The following PLSCR2 variants were observed in gnomAD, a reference collection of about 807,000 sequenced individuals.
The protein encoded by PLSCR2 is PL scramblase 2.
Under a neutral mutation model 25.3 loss-of-function variants are expected in PLSCR2, and 18 were observed. The ratio of observed to expected loss-of-function variants is 0.71; its 90% CI spans 0.49 to 1.06. PLSCR2 has a LOEUF of 1.06. Among genes scored for constraint, PLSCR2 ranks in the 50% least tolerant of loss-of-function variants. The probability of loss-of-function intolerance (pLI) is 0.00; values close to 1 mark genes in which losing one functional copy is unlikely to be tolerated. For synonymous variants in PLSCR2, 88 were observed against 87.3 expected, an observed-to-expected ratio of 1.01 and a Z score of -0.04; for missense variants, 243 against 269.5, an observed-to-expected ratio of 0.90 and a Z score of 0.69.
downstream of PLSCR2, among the ~76,000 whole-genome samples, chr3:146,441,569 T>G (rs1021145154): frequency 1.3e-5 from 2 of 151,822 alleles, no homozygotes; most frequent in Admixed American, 1.3e-4. Flanking sequence ...TATAAAACAT[T>G]TATAACCCAG....
intron 1 of PLSCR2, among the ~76,000 whole-genome samples, chr3:146,467,655 G>C (rs2041929232): frequency 6.6e-6 from 1 of 151,718 alleles, no homozygotes; most frequent in African/African-American, 2.4e-5. Flanking sequence ...AAATGTATTT[G>C]TACATATACA....
intron 1 of PLSCR2, among the ~76,000 whole-genome samples, chr3:146,488,794 C>T (rs190282659): frequency 6.6e-5 from 10 of 152,076 alleles, no homozygotes; most frequent in Non-Finnish European, 8.8e-5. Context: ...AAATACCATT[C>T]GACCCACCTA....
At chr3:146,437,824 T>C (rs1353459794), downstream of PLSCR2, among the ~76,000 whole-genome samples, 3 of 152,218 alleles carry the variant, frequency 2.0e-5, no homozygotes, top group Non-Finnish European at 4.4e-5. Flanking sequence ...AGCTTTTGAA[T>C]GTGTTTGCTT....
At chr3:146,484,125 C>G (rs993308590) in intron 1 of PLSCR2, among the ~76,000 whole-genome samples, 2 of 151,456 alleles carry the variant, frequency 1.3e-5, no homozygotes, top group African/African-American at 4.9e-5. Flanking sequence ...AAACACAGCA[C>G]AAGAACTTTG....
chr3:146,446,989 C>T (rs545957997), intron 6 of PLSCR2, among the ~76,000 whole-genome samples: 3 of 152,196 alleles, frequency 2.0e-5, no homozygotes, highest in Non-Finnish European at 4.4e-5. Flanking sequence ...TAAATATTAC[C>T]TAGCTTATAC....
downstream of PLSCR2, among the ~76,000 whole-genome samples, chr3:146,439,432 C>G (rs530616673): frequency 1.9e-4 from 29 of 152,334 alleles, no homozygotes; most frequent in African/African-American, 7.0e-4. Context: ...TGGATTTGGT[C>G]TTTTCACATA....
At chr3:146,459,750 GTAAA>G in intron 2 of PLSCR2, 94 bp downstream of exon 2, 4 of 812,420 alleles carry the variant, frequency 4.9e-6, no homozygotes, top group Admixed American at 2.7e-5. Context: ...TTAATAAGCA[GTAAA>G]TAAATAAGTA....
At chr3:146,464,222 C>T (rs2041757978), upstream of PLSCR2, among the ~76,000 whole-genome samples, 1 of 152,200 alleles carries the variant, frequency 6.6e-6, no homozygotes, top group African/African-American at 2.4e-5. Context: ...GGTAACTAGA[C>T]TAACTAGGGT....
At chr3:146,446,765 G>A (rs1229665880) in intron 6 of PLSCR2, among the ~76,000 whole-genome samples, 1 of 152,140 alleles carries the variant, frequency 6.6e-6, no homozygotes, top group Non-Finnish European at 1.5e-5. Context: ...TCATGGTCCT[G>A]GGTAGGTCCA....
intron 2 of PLSCR2, among the ~76,000 whole-genome samples, chr3:146,411,509 G>T (rs1257544502): frequency 6.6e-6 from 1 of 152,162 alleles, no homozygotes; most frequent in African/African-American, 2.4e-5. Context: ...AAATTCTTAG[G>T]TGGCGCTCCC....
intron 2 of PLSCR2, among the ~76,000 whole-genome samples, chr3:146,416,258 G>A (rs116471112): frequency 2.0e-5 from 3 of 151,918 alleles, no homozygotes; most frequent in African/African-American, 7.2e-5. Flanking sequence ...CCAAAAGTAG[G>A]CATTTGTTTT....
At chr3:146,459,968 T>C in exon 2 of PLSCR2, 1 of 1,614,058 alleles carries the variant, frequency 6.2e-7, no homozygotes, top group Non-Finnish European at 8.5e-7. Flanking sequence ...TGCCAGCAGG[T>C]GGGACTAGGT....
intron 1 of PLSCR2, among the ~76,000 whole-genome samples, chr3:146,482,280 G>A (rs191579891): frequency 7.9e-5 from 12 of 152,272 alleles, no homozygotes; most frequent in Admixed American, 5.9e-4. Flanking sequence ...CCATCAGAGT[G>A]AGCAGGCAAC....
At chr3:146,396,827 C>T (rs2038291066) in intron 2 of PLSCR2, among the ~76,000 whole-genome samples, 1 of 152,062 alleles carries the variant, frequency 6.6e-6, no homozygotes, top group South Asian at 2.1e-4. Flanking sequence ...TTTAAATATG[C>T]CCAAAGTTCT....
At chr3:146,484,940 C>G (rs1168815619) in intron 1 of PLSCR2, among the ~76,000 whole-genome samples, 2 of 151,894 alleles carry the variant, frequency 1.3e-5, no homozygotes, top group Non-Finnish European at 2.9e-5. Flanking sequence ...CATAACAATA[C>G]TAACCTTAAA....
intron 2 of PLSCR2, among the ~76,000 whole-genome samples, chr3:146,414,668 T>G (rs2038956823): frequency 6.6e-6 from 1 of 152,190 alleles, no homozygotes; most frequent in African/African-American, 2.4e-5. Flanking sequence ...ATACTCATAC[T>G]AAGTCGAGAT....
At chr3:146,451,704 A>C (rs1041562636) in intron 5 of PLSCR2, among the ~76,000 whole-genome samples, 1 of 152,152 alleles carries the variant, frequency 6.6e-6, no homozygotes, top group African/African-American at 2.4e-5. Flanking sequence ...TCCTCCGGAG[A>C]TGAGAGTAAG....
chr3:146,468,108 TTCAG>T (rs1232890629), intron 1 of PLSCR2, among the ~76,000 whole-genome samples: 1 of 152,232 alleles, frequency 6.6e-6, no homozygotes, highest in Non-Finnish European at 1.5e-5. Flanking sequence ...TTTTGCTCTT[TTCAG>T]TCAGTAAGAA....
intron 2 of PLSCR2, among the ~76,000 whole-genome samples, chr3:146,425,973 T>C (rs1049944351): frequency 6.6e-6 from 1 of 152,176 alleles, no homozygotes; most frequent in Non-Finnish European, 1.5e-5. Context: ...GTAAATACAC[T>C]TTTACTCCTC....
Sources: gnomAD v4.1 joint callset for allele counts (sites outside exome capture counted in the v4.1 genomes callset) on GRCh38, gnomAD v4.1.1 for gene constraint, MANE v1.5 for transcripts, NCBI Gene and HGNC (gene_info 2026-07-23, HGNC 2026-07-21) for gene names.